Variants in ADAMTSL1 observed in about 807,000 individuals in gnomAD.
The protein encoded by ADAMTSL1 is ADAMTS like 1, also known as ADAMTS-like protein 1.
ADAMTSL1 carries 126 observed loss-of-function variants against 201.8 expected under a neutral mutation model. That is an observed-to-expected ratio of 0.62 (90% CI 0.54 to 0.72). The LOEUF is 0.72. ADAMTSL1 is among the 30% of genes least tolerant of loss of function. The probability of loss-of-function intolerance (pLI) is 0.00; values close to 1 mark genes in which losing one functional copy is unlikely to be tolerated. For synonymous variants in ADAMTSL1, 1,121 were observed against 903.4 expected, an observed-to-expected ratio of 1.24 and a Z score of -4.32; for missense variants, 2,679 against 2,277.8, an observed-to-expected ratio of 1.18 and a Z score of -3.59.
At chr9:18,661,823 G>C in intron 8 of ADAMTSL1, 112 bp from the exon 9 acceptor site, 1 of 1,141,588 alleles carries the variant, frequency 8.8e-7, no homozygotes, top group Non-Finnish European at 1.2e-6. Context: ...TCCTGGAAAT[G>C]ACTAAGGCAT....
Position 18,777,472 on chromosome 9 carries a change from C to T in ADAMTSL1, c.3243C>T (p.Ile1081=). 2 of 1,593,752 alleles carry T rather than the reference C, an allele frequency of 1.3e-6. No homozygotes were observed. Among genetic ancestry groups the T allele is most frequent in the Admixed American group, 1.8e-5 (1 of 57,142 alleles). Residue 1081 remains isoleucine, a synonymous_variant, in exon 19 of 29, where the codon ATC becomes ATT. Coordinates refer to ENST00000380548, the MANE Select transcript of ADAMTSL1 (RefSeq NM_001040272.6). ...MVTEQRRLDD[I]LGNLSQQPEE... ...CCGAGCAGCGGCGCCTGGACGACAT[C>T]CTGGGGAACCTCTCCCAGCAGCCCG...
At chr9:18,465,976 C>T (rs954524430) in intron 2 of ADAMTSL1, among the ~76,000 whole-genome samples, 15 of 152,116 alleles carry the variant, frequency 9.9e-5, no homozygotes, top group African/African-American at 3.6e-4. Context: ...GTCTCGAACT[C>T]CTGACCTCAG....
At chr9:18,565,047 C>A (rs1222287089) in intron 3 of ADAMTSL1, among the ~76,000 whole-genome samples, 2 of 152,184 alleles carry the variant, frequency 1.3e-5, no homozygotes, top group Non-Finnish European at 2.9e-5. Context: ...TTACTTAGAT[C>A]AACTCTCAGA....
At chr9:18,106,499 GAA>G (rs963789475) in intron 1 of ADAMTSL1, among the ~76,000 whole-genome samples, 4 of 152,076 alleles carry the variant, frequency 2.6e-5, no homozygotes, top group Non-Finnish European at 4.4e-5. Context: ...TTGTGTTAAG[GAA>G]AAAAGGCCCA....
intron 1 of ADAMTSL1, among the ~76,000 whole-genome samples, chr9:17,964,972 C>G (rs946166446): frequency 6.6e-6 from 1 of 152,048 alleles, no homozygotes; most frequent in Non-Finnish European, 1.5e-5. Flanking sequence ...AGGCTGGTCT[C>G]AAGCTCCTGG....
intron 17 of ADAMTSL1, 92 bp from the exon 18 acceptor site, chr9:18,775,650 AT>A (rs1329239879): frequency 6.7e-7 from 1 of 1,493,072 alleles, no homozygotes; most frequent in Non-Finnish European, 9.1e-7. Flanking sequence ...TTCCAAGCAA[AT>A]TTCTCATATT....
intron 1 of ADAMTSL1, among the ~76,000 whole-genome samples, chr9:18,023,342 G>C (rs188896851): frequency 1.3e-5 from 2 of 152,154 alleles, no homozygotes; most frequent in Admixed American, 1.3e-4. Context: ...GATACTGCTG[G>C]TCTGGAGACC....
intron 7 of ADAMTSL1, among the ~76,000 whole-genome samples, chr9:18,644,948 C>A (rs1225848407): frequency 6.6e-6 from 1 of 151,806 alleles, no homozygotes; most frequent in Admixed American, 6.6e-5. Flanking sequence ...TTCTAGATCC[C>A]TGAGGAATCG....
intron 2 of ADAMTSL1, among the ~76,000 whole-genome samples, chr9:18,285,055 T>A (rs1832943354): frequency 6.6e-6 from 1 of 152,156 alleles, no homozygotes. Context: ...TTAGGGTAAA[T>A]CCCTACAATG....
chr9:18,031,122 C>T (rs1466508061), intron 1 of ADAMTSL1, among the ~76,000 whole-genome samples: 1 of 152,086 alleles, frequency 6.6e-6, no homozygotes, highest in Non-Finnish European at 1.5e-5. Context: ...TGTTAAGCTT[C>T]TTTGCCGTCC....
At chr9:18,144,350 T>C (rs991086461) in intron 1 of ADAMTSL1, among the ~76,000 whole-genome samples, 6 of 151,974 alleles carry the variant, frequency 3.9e-5, no homozygotes, top group African/African-American at 1.4e-4. Flanking sequence ...GGATTACAGA[T>C]GCCCACCATC....
intron 15 of ADAMTSL1, among the ~76,000 whole-genome samples, chr9:18,736,305 A>G (rs959681704): frequency 6.6e-6 from 1 of 152,142 alleles, no homozygotes; most frequent in African/African-American, 2.4e-5. Context: ...AGTGAGTAAG[A>G]TGACAGTTTG....
chr9:18,385,139 G>A (rs1323769710), intron 2 of ADAMTSL1, among the ~76,000 whole-genome samples: 1 of 152,150 alleles, frequency 6.6e-6, no homozygotes, highest in African/African-American at 2.4e-5. Context: ...GCATTTAAAT[G>A]ATGCTATTGT....
intron 23 of ADAMTSL1, among the ~76,000 whole-genome samples, chr9:18,876,381 T>A (rs185001114): frequency 6.6e-6 from 1 of 151,598 alleles, no homozygotes; most frequent in Non-Finnish European, 1.5e-5. Context: ...AAGTTCTATT[T>A]TGGTGTATTT....
intron 1 of ADAMTSL1, among the ~76,000 whole-genome samples, chr9:17,954,570 TA>T (rs1442163602): frequency 1.3e-5 from 2 of 152,168 alleles, no homozygotes; most frequent in Non-Finnish European, 2.9e-5. Context: ...TAGTTACTGA[TA>T]AAAAGCTCAA....
intron 2 of ADAMTSL1, among the ~76,000 whole-genome samples, chr9:18,245,108 A>T (rs575152253): frequency 6.6e-6 from 1 of 152,178 alleles, no homozygotes; most frequent in Non-Finnish European, 1.5e-5. Context: ...CAGGTGTTAG[A>T]TCAGGGAATT....
chr9:18,462,969 A>T (rs1310813975), intron 2 of ADAMTSL1, among the ~76,000 whole-genome samples: 3 of 151,948 alleles, frequency 2.0e-5, no homozygotes, highest in Non-Finnish European at 4.4e-5. Context: ...AAAAAATAAA[A>T]TAAAAAAATT....
chr9:17,945,538 T>A (rs1827426098), intron 1 of ADAMTSL1, among the ~76,000 whole-genome samples: 1 of 152,016 alleles, frequency 6.6e-6, no homozygotes, highest in Non-Finnish European at 1.5e-5. Flanking sequence ...GCGGCATTAT[T>A]CACAACAGCA....
intron 24 of ADAMTSL1, among the ~76,000 whole-genome samples, chr9:18,888,950 T>A (rs1829070015): frequency 6.6e-6 from 1 of 152,220 alleles, no homozygotes; most frequent in Non-Finnish European, 1.5e-5. Flanking sequence ...AGCCAGGGCC[T>A]ATTTGCAAGA....
Sources: allele counts gnomAD v4.1 joint callset (sites outside exome capture counted in the v4.1 genomes callset), GRCh38; gene constraint gnomAD v4.1.1; transcripts MANE v1.5; gene names NCBI Gene and HGNC (gene_info 2026-07-23, HGNC 2026-07-21).